The following SEMA6D variants were observed in gnomAD, a reference collection of about 807,000 sequenced individuals.
SEMA6D encodes the protein semaphorin-6D.
Under a neutral mutation model 106.6 loss-of-function variants are expected in SEMA6D, and 35 were observed. The observed-to-expected ratio is 0.33, with a 90% CI of 0.25 to 0.44. The LOEUF (loss-of-function observed/expected upper bound fraction) is 0.44, where lower values mean the gene tolerates loss of function less well. Ranked by LOEUF, SEMA6D falls within the 20% of genes least tolerant of loss-of-function variation. SEMA6D has a pLI of 1.00. For missense variants in SEMA6D, 1,185 were observed against 1,345.9 expected (o/e 0.88, Z 1.87); for synonymous variants, 499 against 487.7 (o/e 1.02, Z -0.31).
chr15:47,326,749 A>T (rs2037149330), intron 1 of SEMA6D, among the ~76,000 whole-genome samples: 1 of 152,166 alleles, frequency 6.6e-6, no homozygotes, highest in African/African-American at 2.4e-5. Flanking sequence ...TGTATGTTGA[A>T]GTAAGTGGGA....
chr15:47,307,491 A>G (rs984186264), intron 1 of SEMA6D, among the ~76,000 whole-genome samples: 1 of 152,174 alleles, frequency 6.6e-6, no homozygotes, highest in African/African-American at 2.4e-5. Context: ...AAGGAAAAAT[A>G]TGAATTTTCT....
At chr15:47,216,156 G>C (rs941000802) in intron 1 of SEMA6D, among the ~76,000 whole-genome samples, 4 of 151,930 alleles carry the variant, frequency 2.6e-5, no homozygotes, top group African/African-American at 9.7e-5. Context: ...CTTGTTATTT[G>C]AGAAGATTTT....
At chr15:47,207,761 C>T (rs574012945) in intron 1 of SEMA6D, among the ~76,000 whole-genome samples, 32 of 152,138 alleles carry the variant, frequency 2.1e-4, no homozygotes, top group Non-Finnish European at 4.3e-4. Flanking sequence ...ATTGTGGCTC[C>T]CAAACATGGG....
chr15:47,210,176 A>T (rs1437670256), intron 1 of SEMA6D, among the ~76,000 whole-genome samples: 1 of 152,192 alleles, frequency 6.6e-6, no homozygotes, highest in African/African-American at 2.4e-5. Context: ...ACTTTTCACT[A>T]GCTTTTACTG....
At chr15:47,283,847 G>C (rs1240685117) in intron 1 of SEMA6D, among the ~76,000 whole-genome samples, 1 of 152,224 alleles carries the variant, frequency 6.6e-6, no homozygotes, top group African/African-American at 2.4e-5. Flanking sequence ...AGGAGCTGCA[G>C]GCTGTTGCAC....
intron 4 of SEMA6D, among the ~76,000 whole-genome samples, chr15:47,637,558 C>G (rs2077412074): frequency 6.6e-6 from 1 of 152,182 alleles, no homozygotes; most frequent in African/African-American, 2.4e-5. Context: ...ACCTTCTGTG[C>G]TCAGCATCGT....
chr15:47,305,641 T>G (rs1446825417), intron 1 of SEMA6D, among the ~76,000 whole-genome samples: 1 of 152,226 alleles, frequency 6.6e-6, no homozygotes, highest in Non-Finnish European at 1.5e-5. Flanking sequence ...TAAGGTAGTA[T>G]TTTTTTCTTC....
chr15:47,623,933 C>T (rs997637574), intron 4 of SEMA6D, among the ~76,000 whole-genome samples: 4 of 152,152 alleles, frequency 2.6e-5, no homozygotes, highest in Non-Finnish European at 5.9e-5. Flanking sequence ...CAGAATCCTG[C>T]TTTAAAAATC....
chr15:47,330,535 A>T (rs909317081), intron 1 of SEMA6D, among the ~76,000 whole-genome samples: 1 of 152,156 alleles, frequency 6.6e-6, no homozygotes, highest in Non-Finnish European at 1.5e-5. Flanking sequence ...GGGCGTGCAG[A>T]GGTGAGGGAG....
chr15:47,504,456 A>G (rs918997), intron 3 of SEMA6D, among the ~76,000 whole-genome samples: 16,730 of 152,168 alleles, frequency 0.11, 1,282 homozygotes, highest in East Asian at 0.33. Context: ...CAAGGGGCGT[A>G]GGAAGCCTGC....
chr15:47,506,919 A>G (rs2044061758), intron 3 of SEMA6D, among the ~76,000 whole-genome samples: 1 of 151,466 alleles, frequency 6.6e-6, no homozygotes, highest in Admixed American at 6.6e-5. Flanking sequence ...GCATAAAGTA[A>G]GTCTTTCAAG....
chr15:47,766,487 GTTGTT>G lies in SEMA6D; in HGVS notation c.1647-126_1647-122del, dbSNP rs867740808. ...TCATTTTAGCAAGTTATGTTAAAAT[GTTGTT>G]TTTTTTTTTTCTCTCTCTGCCCATT... On this transcript the variant is annotated intron_variant, in intron 15 of 18. Coordinates refer to ENST00000536845, the MANE Select transcript of SEMA6D (RefSeq NM_001358351.3). 1.2e-3 allele frequency: 933 copies of G among 775,950 alleles called. 1 individual carries two copies. The highest frequency in any genetic ancestry group is 1.9e-3 in the South Asian group (100 of 53,966). 48.1% of individuals were successfully genotyped at this position (775,950 alleles called of 1,614,324 possible).
chr15:47,655,027 TC>T (rs1228468556), intron 4 of SEMA6D, among the ~76,000 whole-genome samples: 1 of 152,222 alleles, frequency 6.6e-6, no homozygotes, highest in African/African-American at 2.4e-5. Context: ...TGTCTAACTG[TC>T]TCATGGTGGC....
chr15:47,430,242 A>G (rs1827471140), intron 2 of SEMA6D, among the ~76,000 whole-genome samples: 1 of 152,034 alleles, frequency 6.6e-6, no homozygotes, highest in Non-Finnish European at 1.5e-5. Flanking sequence ...TGCTGTAGAG[A>G]AAAAAAGAGA....
At chr15:47,567,824 G>C (rs1349605527) in intron 3 of SEMA6D, among the ~76,000 whole-genome samples, 1 of 152,104 alleles carries the variant, frequency 6.6e-6, no homozygotes, top group Non-Finnish European at 1.5e-5. Flanking sequence ...TTATTGAACA[G>C]ATAAATGAAC....
chr15:47,539,164 A>G (rs922328346), intron 3 of SEMA6D, among the ~76,000 whole-genome samples: 1 of 152,138 alleles, frequency 6.6e-6, no homozygotes, highest in Non-Finnish European at 1.5e-5. Flanking sequence ...AAACATAACA[A>G]TTTTATTTCA....
chr15:47,380,508 C>T (rs568040350), intron 1 of SEMA6D: 2 of 152,282 alleles, frequency 1.3e-5, no homozygotes, highest in African/African-American at 2.4e-5. Flanking sequence ...CAGAAGAATC[C>T]ACATCAATGC....
intron 1 of SEMA6D, among the ~76,000 whole-genome samples, chr15:47,228,695 G>A (rs1485241497): frequency 6.6e-6 from 1 of 151,910 alleles, no homozygotes; most frequent in East Asian, 1.9e-4. Context: ...CAGACAAGTG[G>A]AGTTTTTTTA....
intron 3 of SEMA6D, among the ~76,000 whole-genome samples, chr15:47,509,596 C>A (rs901253018): frequency 6.6e-6 from 1 of 152,234 alleles, no homozygotes; most frequent in Non-Finnish European, 1.5e-5. Flanking sequence ...CAGCTACTTT[C>A]TATCCCAAAA....
Sources: allele counts gnomAD v4.1 joint callset (sites outside exome capture counted in the v4.1 genomes callset), GRCh38; gene constraint gnomAD v4.1.1; transcripts MANE v1.5; gene names NCBI Gene and HGNC (gene_info 2026-07-23, HGNC 2026-07-21).